TUSC3: variants seen among roughly 807,000 people sequenced by gnomAD.
The protein encoded by TUSC3 is dolichyl-diphosphooligosaccharide--protein glycosyltransferase subunit TUSC3.
A neutral mutation model predicts 44.8 loss-of-function variants in TUSC3; 45 were observed. That is an observed-to-expected ratio of 1.00 (90% CI 0.79 to 1.29). The LOEUF (loss-of-function observed/expected upper bound fraction) is 1.29. Ranked by LOEUF, TUSC3 falls within the 50% of genes most tolerant of loss-of-function variation. TUSC3 has a pLI of 0.00. For synonymous variants in TUSC3, 212 were observed against 152.9 expected (o/e 1.39, Z -2.85); for missense variants, 519 against 437.9 (o/e 1.19, Z -1.65).
At chr8:15,684,951 C>T (rs1242522157) in intron 6 of TUSC3, among the ~76,000 whole-genome samples, 7 of 152,140 alleles carry the variant, frequency 4.6e-5, no homozygotes, top group Admixed American at 2.0e-4. Context: ...GGAGGGGCCA[C>T]GGGGTTACAT....
chr8:15,624,332 C>T (rs62502060), intron 2 of TUSC3, among the ~76,000 whole-genome samples: 30,446 of 151,876 alleles, frequency 0.2, 3,923 homozygotes, highest in Non-Finnish European at 0.29. Flanking sequence ...GGAAGAATGC[C>T]ACAGAGTGTG....
intron 1 of TUSC3, among the ~76,000 whole-genome samples, chr8:15,434,332 T>A (rs1225410536): frequency 1.3e-5 from 2 of 152,168 alleles, no homozygotes; most frequent in Non-Finnish European, 2.9e-5. Context: ...TTTAAGTAGT[T>A]TGGATACAAA....
intron 6 of TUSC3, among the ~76,000 whole-genome samples, chr8:15,703,992 A>T (rs1314551575): frequency 1.3e-5 from 2 of 152,326 alleles, no homozygotes; most frequent in African/African-American, 4.8e-5. Context: ...GATAAAGCTT[A>T]TAACCTCAAA....
chr8:15,507,718 A>G (rs1801076301), intron 2 of TUSC3, among the ~76,000 whole-genome samples: 1 of 152,154 alleles, frequency 6.6e-6, no homozygotes, highest in South Asian at 2.1e-4. Context: ...CTTGATAGGT[A>G]TTGGAAATTC....
chr8:15,598,187 C>T lies in TUSC3; in HGVS notation c.139-24893C>T, dbSNP rs550800823. Among the ~76,000 whole-genome samples the T allele has an allele frequency of 2.6e-5, 4 of 152,004 alleles. No individual in the cohort carries two copies. In the East Asian group the frequency reaches 7.7e-4, roughly 29 times the overall value. On this transcript the variant is annotated intron_variant, in intron 1 of 10. Coordinates refer to ENST00000503731, the MANE Select transcript of TUSC3 (RefSeq NM_006765.4). ...TCATTATCTAGAACCTTATCTCTTC[C>T]CTGTCCTTGCACTCCATCCAAATGT...
intron 7 of TUSC3, among the ~76,000 whole-genome samples, chr8:15,738,827 C>CTTTTTTTTTTCTTTTTTTTTT (rs1373248681): frequency 4.6e-5 from 4 of 87,168 alleles, no homozygotes; most frequent in East Asian, 3.7e-4. Context: ...ATATATCTTG[C>CTTTTTTTTTTCTTTTTTTTTT]TTTTTTTTTT....
chr8:15,582,474 TC>T (rs1260455727), intron 1 of TUSC3, among the ~76,000 whole-genome samples: 3 of 152,232 alleles, frequency 2.0e-5, no homozygotes, highest in Admixed American at 6.5e-5. Context: ...ACTTTGAATA[TC>T]AACACTTAAT....
At chr8:15,485,076 GTCAAGAAATATT>G (rs1238325872) in intron 2 of TUSC3, among the ~76,000 whole-genome samples, 1 of 152,084 alleles carries the variant, frequency 6.6e-6, no homozygotes, top group African/African-American at 2.4e-5. Flanking sequence ...TGCACTTTCA[GTCAAGAAATATT>G]TCTGAGTTCC....
the TUSC3 span, among the ~76,000 whole-genome samples, chr8:15,851,642 T>C: frequency 2.0e-5 from 3 of 152,208 alleles, no homozygotes; most frequent in Non-Finnish European, 4.4e-5. Flanking sequence ...ATTCTAACGA[T>C]GGTCCTCCAC....
chr8:15,627,966 G>C (rs1333622143), intron 2 of TUSC3, among the ~76,000 whole-genome samples: 1 of 152,196 alleles, frequency 6.6e-6, no homozygotes, highest in Non-Finnish European at 1.5e-5. Context: ...ACTGGCCACA[G>C]AGGTTTCCAT....
At chr8:15,744,537 C>A (rs990124318) in intron 8 of TUSC3, among the ~76,000 whole-genome samples, 2 of 151,990 alleles carry the variant, frequency 1.3e-5, no homozygotes, top group Non-Finnish European at 2.9e-5. Flanking sequence ...AAATAAAAAT[C>A]CAGACTTCAT....
the TUSC3 span, among the ~76,000 whole-genome samples, chr8:15,828,264 G>A: frequency 1.3e-5 from 2 of 152,026 alleles, no homozygotes; most frequent in Admixed American, 6.6e-5. Context: ...CGAAGTGCTG[G>A]GATTATAGGC....
chr8:15,849,812 A>G, the TUSC3 span, among the ~76,000 whole-genome samples: 4 of 152,016 alleles, frequency 2.6e-5, no homozygotes, highest in Admixed American at 6.6e-5. Context: ...AAGCCTACAA[A>G]AAAAAAAAGC....
At chr8:15,651,024 A>ACACAC in intron 3 of TUSC3, 1 of 465,580 alleles carries the variant, frequency 2.1e-6, no homozygotes, top group South Asian at 2.9e-5. Context: ...CACACACACA[A>ACACAC]ATACAATTCA....
chr8:15,654,086 G>A (rs1159795806), intron 3 of TUSC3, among the ~76,000 whole-genome samples: 1 of 152,146 alleles, frequency 6.6e-6, no homozygotes, highest in Non-Finnish European at 1.5e-5. Context: ...GGGGAATTGG[G>A]CATTTTAATT....
chr8:15,717,629 A>G (rs1810107190), intron 6 of TUSC3, among the ~76,000 whole-genome samples: 1 of 152,058 alleles, frequency 6.6e-6, no homozygotes, highest in African/African-American at 2.4e-5. Context: ...ATAGTTAACC[A>G]TCTTTGGAGT....
At chr8:15,494,449 C>T (rs374951016) in intron 2 of TUSC3, among the ~76,000 whole-genome samples, 1 of 151,846 alleles carries the variant, frequency 6.6e-6, no homozygotes, top group Non-Finnish European at 1.5e-5. Context: ...TCCGGAGTAG[C>T]TGGGACTACA....
intron 1 of TUSC3, among the ~76,000 whole-genome samples, chr8:15,427,625 G>A (rs1799820163): frequency 6.6e-6 from 1 of 152,216 alleles, no homozygotes. Context: ...CCGCTGTAAA[G>A]ATTTTTAATA....
At chr8:15,764,097 ATTTTAATGTTATATTTACATGTGCTAAT>A (rs1812258369) in intron 10 of TUSC3, 78 bp from the exon 11 acceptor site, 2 of 1,164,058 alleles carry the variant, frequency 1.7e-6, no homozygotes, top group African/African-American at 3.1e-5. Flanking sequence ...CAATTATGAC[ATTTTAATGTTATATTTACATGTGCTAAT>A]TTAGAATGGA....
Sources: gnomAD v4.1 joint callset for allele counts (sites outside exome capture counted in the v4.1 genomes callset) on GRCh38, gnomAD v4.1.1 for gene constraint, MANE v1.5 for transcripts, NCBI Gene and HGNC (gene_info 2026-07-23, HGNC 2026-07-21) for gene names.